The following DPP10 variants were observed in gnomAD, a reference collection of about 807,000 sequenced individuals.
DPP10 encodes the protein dipeptidyl peptidase like 10.
DPP10 carries 33 observed loss-of-function variants against 120.9 expected under a neutral mutation model. The ratio of observed to expected loss-of-function variants is 0.27; its 90% CI spans 0.21 to 0.37. The LOEUF is 0.37. Ranked by LOEUF, DPP10 falls within the 10% of genes least tolerant of loss-of-function variation. The probability of loss-of-function intolerance (pLI) is 1.00; values close to 1 mark genes in which losing one functional copy is unlikely to be tolerated. For missense variants in DPP10, 816 were observed against 942.8 expected, an observed-to-expected ratio of 0.87 and a Z score of 1.76; for synonymous variants, 337 against 326.1, an observed-to-expected ratio of 1.03 and a Z score of -0.36.
chr2:114,671,987 A>C (rs1264009062), intron 1 of DPP10, among the ~76,000 whole-genome samples: 1 of 152,114 alleles, frequency 6.6e-6, no homozygotes, highest in Admixed American at 6.6e-5. Flanking sequence ...GAATATTTGC[A>C]TATTGTAAGT....
intron 1 of DPP10, among the ~76,000 whole-genome samples, chr2:115,087,808 C>T (rs1050470816): frequency 2.0e-5 from 3 of 152,066 alleles, no homozygotes; most frequent in Non-Finnish European, 4.4e-5. Context: ...CCCACCTCGG[C>T]CTCCCAAAGT....
At chr2:115,636,682 T>C (rs2086361509) in intron 5 of DPP10, among the ~76,000 whole-genome samples, 1 of 152,134 alleles carries the variant, frequency 6.6e-6, no homozygotes, top group African/African-American at 2.4e-5. Context: ...TTAGTGATTC[T>C]AAGTGAGGAT....
At chr2:115,747,594 C>CTTTTTTTTTTTTTTTTTTTT (rs3980905) in intron 10 of DPP10, among the ~76,000 whole-genome samples, 4 of 141,226 alleles carry the variant, frequency 2.8e-5, no homozygotes, top group Non-Finnish European at 4.6e-5. Flanking sequence ...ATCCCCTTGT[C>CTTTTTTTTTTTTTTTTTTTT]TTTTTTTTTT....
chr2:115,577,084 C>A (rs1404865067), intron 5 of DPP10, among the ~76,000 whole-genome samples: 1 of 152,160 alleles, frequency 6.6e-6, no homozygotes, highest in Non-Finnish European at 1.5e-5. Flanking sequence ...TAGAGCAGCT[C>A]CTAATGCTCT....
intron 3 of DPP10, among the ~76,000 whole-genome samples, chr2:115,489,549 A>G (rs1220569881): frequency 1.3e-5 from 2 of 152,030 alleles, no homozygotes; most frequent in Admixed American, 6.6e-5. Flanking sequence ...AAAACAAATA[A>G]AAGGCCATGC....
intron 1 of DPP10, among the ~76,000 whole-genome samples, chr2:114,865,513 A>T (rs1205735183): frequency 2.0e-5 from 3 of 152,246 alleles, no homozygotes; most frequent in Non-Finnish European, 4.4e-5. Context: ...TGGGAAAGGC[A>T]TTCTTAATCT....
intron 3 of DPP10, among the ~76,000 whole-genome samples, chr2:115,490,357 C>T (rs1215725424): frequency 2.0e-5 from 3 of 152,126 alleles, no homozygotes; most frequent in Admixed American, 6.6e-5. Flanking sequence ...TGAGAACTCA[C>T]TCGCTATCAG....
intron 3 of DPP10, among the ~76,000 whole-genome samples, chr2:115,380,481 A>C (rs2066230162): frequency 6.6e-6 from 1 of 152,124 alleles, no homozygotes; most frequent in South Asian, 2.1e-4. Context: ...AATACAGCAC[A>C]CTGATAGGTC....
chr2:115,741,019 C>T (rs1016244671), intron 9 of DPP10, among the ~76,000 whole-genome samples: 1 of 152,076 alleles, frequency 6.6e-6, no homozygotes, highest in African/African-American at 2.4e-5. Flanking sequence ...AGACAAACTA[C>T]TGGGTAGGTT....
chr2:115,256,748 C>G (rs567814935), intron 1 of DPP10, among the ~76,000 whole-genome samples: 2 of 152,294 alleles, frequency 1.3e-5, no homozygotes, highest in East Asian at 3.9e-4. Flanking sequence ...TGAAAATTTT[C>G]TAACACCTGG....
intron 1 of DPP10, among the ~76,000 whole-genome samples, chr2:114,615,260 CT>C (rs1044901579): frequency 2.0e-5 from 3 of 152,110 alleles, no homozygotes; most frequent in Non-Finnish European, 2.9e-5. Flanking sequence ...GTTCCACAAA[CT>C]TTCTAAATTA....
At chr2:115,589,586 A>G (rs2082501443) in intron 5 of DPP10, among the ~76,000 whole-genome samples, 1 of 152,224 alleles carries the variant, frequency 6.6e-6, no homozygotes. Context: ...GGTGAATTCT[A>G]GAATCAATGC....
At chr2:115,575,270 A>G (rs1277965638) in intron 5 of DPP10, among the ~76,000 whole-genome samples, 2 of 152,214 alleles carry the variant, frequency 1.3e-5, no homozygotes, top group African/African-American at 2.4e-5. Context: ...ATACTTTACT[A>G]TATTTAGTTT....
rs146823763 is a variant in DPP10 at position 115,309,397 on chromosome 2, A to G, written c.175+44A>G. 1.8e-4 allele frequency: 286 copies of G among 1,581,214 alleles called. 2 individuals are homozygous for G. In the African/African-American group the frequency reaches 2.7e-3, roughly 15 times the overall value. ...TCTCTTATGATGGATGGTATTGTGGATGATAATTTCGCATTCAAATGCCTT... is the reference window on the plus strand; with the variant it reads ...TCTCTTATGATGGATGGTATTGTGGGTGATAATTTCGCATTCAAATGCCTT... On this transcript the variant is annotated intron_variant, in intron 2 of 25. Transcript: ENST00000410059.
chr2:114,479,100 CAA>C (rs1206149794), intron 1 of DPP10, among the ~76,000 whole-genome samples: 1 of 148,956 alleles, frequency 6.7e-6, no homozygotes, highest in Admixed American at 6.7e-5. Flanking sequence ...CTGAAAATGA[CAA>C]AATGCTGATG....
chr2:115,802,555 G>C (rs62156334), intron 19 of DPP10, among the ~76,000 whole-genome samples: 14,920 of 151,874 alleles, frequency 0.098, 816 homozygotes, highest in Non-Finnish European at 0.12. Context: ...CCTGCTTTCT[G>C]TTGTGGGCAT....
intron 1 of DPP10, among the ~76,000 whole-genome samples, chr2:114,671,812 T>C (rs547298040): frequency 2.0e-5 from 3 of 152,236 alleles, no homozygotes; most frequent in South Asian, 2.1e-4. Flanking sequence ...TGGTTTCTAG[T>C]TTCTTGTTTC....
At chr2:115,168,265 G>C (rs2053056870) in intron 1 of DPP10, among the ~76,000 whole-genome samples, 1 of 152,126 alleles carries the variant, frequency 6.6e-6, no homozygotes. Flanking sequence ...TAAGTGACTT[G>C]TGTGTCCTAA....
At chr2:115,681,105 A>T (rs951176822) in intron 5 of DPP10, among the ~76,000 whole-genome samples, 1 of 151,904 alleles carries the variant, frequency 6.6e-6, no homozygotes, top group African/African-American at 2.4e-5. Flanking sequence ...CTTGTGTAGC[A>T]TGTAGGACTA....
Sources: allele counts gnomAD v4.1 joint callset (sites outside exome capture counted in the v4.1 genomes callset), GRCh38; gene constraint gnomAD v4.1.1; transcripts MANE v1.5; gene names NCBI Gene and HGNC (gene_info 2026-07-23, HGNC 2026-07-21).